The following ANTXR2 variants were observed in gnomAD, a reference collection of about 807,000 sequenced individuals.
ANTXR2 encodes the protein anthrax toxin receptor 2.
A neutral mutation model predicts 73.7 loss-of-function variants in ANTXR2; 44 were observed. The ratio of observed to expected loss-of-function variants is 0.60; its 90% CI spans 0.47 to 0.77. The LOEUF is 0.77. Among genes scored for constraint, ANTXR2 ranks in the 30% least tolerant of loss-of-function variants. The pLI, the probability that ANTXR2 is intolerant of heterozygous loss-of-function variation, is 0.00. For synonymous variants in ANTXR2, 217 were observed against 205.9 expected, an observed-to-expected ratio of 1.05 and a Z score of -0.46; for missense variants, 604 against 592.5, an observed-to-expected ratio of 1.02 and a Z score of -0.20.
At chr4:79,959,836 G>A (rs1729078471) in intron 16 of ANTXR2, among the ~76,000 whole-genome samples, 1 of 152,188 alleles carries the variant, frequency 6.6e-6, no homozygotes, top group African/African-American at 2.4e-5. Flanking sequence ...GAATTCAAGA[G>A]GGAAGGTCGC....
chr4:80,068,128 C>T (rs750233390), intron 3 of ANTXR2, among the ~76,000 whole-genome samples: 11 of 152,136 alleles, frequency 7.2e-5, no homozygotes, highest in South Asian at 2.1e-4. Context: ...AAATCTTATA[C>T]GGATAATTTT....
chr4:79,995,083 A>T (rs1730660456), intron 12 of ANTXR2, among the ~76,000 whole-genome samples: 1 of 152,042 alleles, frequency 6.6e-6, no homozygotes, highest in Admixed American at 6.6e-5. Flanking sequence ...TTTCATCTAG[A>T]AGACATAAAA....
chr4:79,913,509 T>C (rs1727225519), intron 16 of ANTXR2, among the ~76,000 whole-genome samples: 1 of 152,098 alleles, frequency 6.6e-6, no homozygotes, highest in Non-Finnish European at 1.5e-5. Context: ...TTGAAATAAA[T>C]ATAAGAGAGG....
At chr4:80,002,722 C>A (rs1189664997) in intron 12 of ANTXR2, among the ~76,000 whole-genome samples, 3 of 151,996 alleles carry the variant, frequency 2.0e-5, no homozygotes, top group African/African-American at 4.8e-5. Context: ...AAGAAAAAAA[C>A]CAACAACCCT....
intron 10 of ANTXR2, among the ~76,000 whole-genome samples, chr4:80,026,194 G>T (rs1364586747): frequency 6.6e-6 from 1 of 152,112 alleles, no homozygotes; most frequent in African/African-American, 2.4e-5. Flanking sequence ...GGGTTATGGG[G>T]ATGGTTTCCC....
At chr4:80,035,944 A>C in intron 8 of ANTXR2, 28 bp downstream of exon 8, 1 of 1,501,380 alleles carries the variant, frequency 6.7e-7, no homozygotes, top group Non-Finnish European at 9.0e-7. Flanking sequence ...AATTTCTTAC[A>C]TGGTATTTTT....
chr4:80,005,967 G>C (rs558201555), intron 12 of ANTXR2, among the ~76,000 whole-genome samples: 74 of 152,210 alleles, frequency 4.9e-4, no homozygotes, highest in African/African-American at 1.8e-3. Flanking sequence ...ACCTAGCACA[G>C]TAGGTCTCAG....
Position 79,966,940 on chromosome 4 carries a change from C to T in ANTXR2, c.1428+10681G>A, listed in dbSNP as rs927406570. Among the ~76,000 whole-genome samples the T allele has an allele frequency of 3.2e-3, 78 of 24,436 alleles. 33 individuals are homozygous for T. The South Asian group carries it at 0.35, about 108-fold the overall frequency. The allele number at this position is 24,436 out of a possible 152,430, so 16.0% of individuals were successfully genotyped here. A position where few individuals can be genotyped will look rare whatever the true frequency, so the allele number is the denominator to read the frequency against. ...AGCCAAGATGGCCGAATAGGAACAGCTCAGGTCTACAGCTCCCAGCGTGAG... is the reference window on the plus strand; with the variant it reads ...AGCCAAGATGGCCGAATAGGAACAGTTCAGGTCTACAGCTCCCAGCGTGAG... On this transcript the variant is annotated intron_variant, in intron 16 of 16. Coordinates refer to ENST00000403729, the MANE Select transcript of ANTXR2 (RefSeq NM_058172.6).
At chr4:80,032,701 A>C (rs1732753667) in intron 9 of ANTXR2, among the ~76,000 whole-genome samples, 1 of 151,892 alleles carries the variant, frequency 6.6e-6, no homozygotes, top group Non-Finnish European at 1.5e-5. Flanking sequence ...TTTACAATAT[A>C]AATTTTGAAG....
chr4:79,944,547 C>G (rs1158126393), intron 16 of ANTXR2, among the ~76,000 whole-genome samples: 9 of 150,244 alleles, frequency 6.0e-5, no homozygotes, highest in Non-Finnish European at 1.0e-4. Flanking sequence ...GTGTATAGTT[C>G]TAATTTGTGT....
rs1299047010 is a variant in ANTXR2 at position 79,903,988 on chromosome 4, T to G, written c.*3441A>C. The G allele has an allele frequency of 6.6e-6, 1 of 152,180 alleles. No individual in the cohort carries two copies. Among genetic ancestry groups the G allele is most frequent in the East Asian group, 1.9e-4 (1 of 5,204 alleles). The allele number at this position is 152,180 out of a possible 1,614,324, so 9.4% of individuals were successfully genotyped here. ...TATGCATGGAGTAGGAAGTTATAATTCCTTCTACTTGTAAATGTGACCTAA... is the reference window on the plus strand; with the variant it reads ...TATGCATGGAGTAGGAAGTTATAATGCCTTCTACTTGTAAATGTGACCTAA... On this transcript the variant is annotated 3_prime_UTR_variant, in exon 17 of 17. Coordinates refer to ENST00000403729, the MANE Select transcript of ANTXR2 (RefSeq NM_058172.6).
intron 16 of ANTXR2, among the ~76,000 whole-genome samples, chr4:79,959,570 C>T (rs867583692): frequency 6.6e-6 from 1 of 152,080 alleles, no homozygotes; most frequent in African/African-American, 2.4e-5. Context: ...GGAGACTGTA[C>T]CCAGAATTAG....
At chr4:79,944,601 A>T (rs1356647960) in intron 16 of ANTXR2, among the ~76,000 whole-genome samples, 3 of 152,032 alleles carry the variant, frequency 2.0e-5, no homozygotes, top group Non-Finnish European at 4.4e-5. Flanking sequence ...ATAAAAAAAA[A>T]TTGCCTATAC....
intron 10 of ANTXR2, among the ~76,000 whole-genome samples, chr4:80,023,705 G>A (rs1732284025): frequency 1.3e-5 from 2 of 152,056 alleles, no homozygotes; most frequent in Non-Finnish European, 2.9e-5. Context: ...TTAGAAAGGA[G>A]TCCATGCAGA....
intron 10 of ANTXR2, among the ~76,000 whole-genome samples, chr4:80,020,972 C>T (rs1732129394): frequency 6.6e-6 from 1 of 151,626 alleles, no homozygotes; most frequent in Admixed American, 6.6e-5. Context: ...CACGGTGAAA[C>T]CCCGTCTCTA....
intron 12 of ANTXR2, among the ~76,000 whole-genome samples, chr4:80,005,276 T>C (rs905684343): frequency 3.9e-5 from 6 of 152,150 alleles, no homozygotes; most frequent in African/African-American, 1.4e-4. Context: ...TCTTTAGTCA[T>C]GTTTCAGTTG....
chr4:79,986,187 C>T (rs1162173895), intron 12 of ANTXR2, among the ~76,000 whole-genome samples: 1 of 152,110 alleles, frequency 6.6e-6, no homozygotes, highest in African/African-American at 2.4e-5. Flanking sequence ...GATATTCACA[C>T]CATCGTGATG....
intron 10 of ANTXR2, among the ~76,000 whole-genome samples, chr4:80,021,566 A>G (rs566559863): frequency 6.6e-6 from 1 of 152,336 alleles, no homozygotes; most frequent in Non-Finnish European, 1.5e-5. Flanking sequence ...AAAATTCACC[A>G]GAAACGAACA....
chr4:80,044,237 A>C (rs1733412357), intron 7 of ANTXR2, among the ~76,000 whole-genome samples: 2 of 151,952 alleles, frequency 1.3e-5, no homozygotes, highest in African/African-American at 4.8e-5. Context: ...TTTTGTGAGA[A>C]CCTTGACTTA....
Sources: gnomAD v4.1 joint callset for allele counts (sites outside exome capture counted in the v4.1 genomes callset) on GRCh38, gnomAD v4.1.1 for gene constraint, MANE v1.5 for transcripts, NCBI Gene and HGNC (gene_info 2026-07-23, HGNC 2026-07-21) for gene names.